The following AGAP1 variants were observed in gnomAD, a reference collection of about 807,000 sequenced individuals.
AGAP1 encodes ArfGAP with GTPase domain, ankyrin repeat and PH domain 1, also known as arf-GAP with GTPase, ANK repeat and PH domain-containing protein 1.
A neutral mutation model predicts 105.3 loss-of-function variants in AGAP1; 29 were observed. The observed-to-expected ratio is 0.28, with a 90% confidence interval of 0.21 to 0.38. AGAP1 has a LOEUF of 0.38. Among genes scored for constraint, AGAP1 ranks in the 10% least tolerant of loss-of-function variants. AGAP1 has a pLI of 1.00. For synonymous variants in AGAP1, 509 were observed against 485.9 expected (o/e 1.05, Z -0.63); for missense variants, 998 against 1,165.1 (o/e 0.86, Z 2.09).
chr2:235,617,921 T>C (rs1204299242), intron 1 of AGAP1, among the ~76,000 whole-genome samples: 2 of 152,172 alleles, frequency 1.3e-5, no homozygotes, highest in East Asian at 3.9e-4. Context: ...AAGATGGCAG[T>C]TGGGGGACCT....
intron 1 of AGAP1, among the ~76,000 whole-genome samples, chr2:235,708,776 C>T (rs78512930): frequency 0.036 from 5,430 of 152,168 alleles, 136 homozygotes; most frequent in Non-Finnish European, 0.054. Context: ...AAATGTGGAC[C>T]GACAGGCTAT....
At position 235,622,718 on chromosome 2, in the gene AGAP1, T is replaced by G. The variant is rs1206727141; in HGVS notation, c.164-86461T>G. On this transcript the variant is annotated intron_variant, in intron 1 of 17. Transcript: ENST00000304032. This position sits in a 1 kb window ranked among gnomAD's most constrained non-coding sequence, Gnocchi z 5.0. ...TGTGGATCACTTGGACCACGGTAGC[T>G]AATGTTTGTAGCGCGCTCACGTATG... Among the ~76,000 whole-genome samples, 9 of 152,076 alleles carry G rather than the reference T, an allele frequency of 5.9e-5. No individual in the cohort carries two copies. Among genetic ancestry groups the G allele is most frequent in the Admixed American group, 5.2e-4 (8 of 15,264 alleles).
chr2:235,862,806 GGTT>G (rs748564894), intron 9 of AGAP1, among the ~76,000 whole-genome samples: 2 of 152,164 alleles, frequency 1.3e-5, no homozygotes, highest in Admixed American at 6.5e-5. Flanking sequence ...GGCAGCCCTG[GGTT>G]GTTCTTTATG....
chr2:235,533,653 C>G (rs1943115327), intron 1 of AGAP1, among the ~76,000 whole-genome samples: 1 of 152,154 alleles, frequency 6.6e-6, no homozygotes, highest in African/African-American at 2.4e-5. Context: ...TTTGTTCTTT[C>G]ATGTTTTCCT....
chr2:236,080,821 C>T lies in AGAP1; in HGVS notation c.2114+31540C>T, dbSNP rs1223939905. ...TTGGTGGCCTTGCATCCCCTCTGAC[C>T]TGTTTCTGTCCTCACATCTTCTGAC... On this transcript the variant is annotated intron_variant, in intron 16 of 17. Transcript: ENST00000304032. This position sits in a 1 kb window ranked among gnomAD's most constrained non-coding sequence, Gnocchi z 4.2. 6.6e-6 allele frequency among the ~76,000 whole-genome samples: 1 copy of T among 152,154 alleles called. No individual in the cohort carries two copies. The highest frequency in any genetic ancestry group is 1.5e-5 in the Non-Finnish European group (1 of 68,034).
chr2:235,585,054 A>G (rs1275300377), intron 1 of AGAP1, among the ~76,000 whole-genome samples: 1 of 151,460 alleles, frequency 6.6e-6, no homozygotes, highest in Non-Finnish European at 1.5e-5. Context: ...ACTCTTGTGG[A>G]TATCTTGTAG....
At chr2:235,514,714 T>C (rs887620119) in intron 1 of AGAP1, among the ~76,000 whole-genome samples, 1 of 152,248 alleles carries the variant, frequency 6.6e-6, no homozygotes, top group Admixed American at 6.5e-5. Flanking sequence ...TGCTGTGACG[T>C]GGGCTGCACG....
At chr2:235,870,490 G>A (rs1490638632) in intron 9 of AGAP1, among the ~76,000 whole-genome samples, 1 of 152,102 alleles carries the variant, frequency 6.6e-6, no homozygotes, top group African/African-American at 2.4e-5. Flanking sequence ...GCCAGGCATG[G>A]TGGCACATGT....
chr2:236,074,864 G>T (rs909758420), intron 16 of AGAP1, among the ~76,000 whole-genome samples: 1 of 152,130 alleles, frequency 6.6e-6, no homozygotes, highest in Non-Finnish European at 1.5e-5. Context: ...AGACCAGCCT[G>T]GACCGCATGG....
At chr2:235,895,131 C>T (rs1575720647) in intron 10 of AGAP1, among the ~76,000 whole-genome samples, 2 of 152,214 alleles carry the variant, frequency 1.3e-5, no homozygotes, top group South Asian at 2.1e-4. Context: ...GTTCAGCTAG[C>T]GCAGTGGCCT....
In AGAP1 at chr2:235,689,666, A is replaced by T. The variant is rs1418941403; in HGVS notation, c.164-19513A>T. The stretch of plus-strand genomic sequence containing the variant: ...CCTCCCCTAACCTCAAATCTGTGTA[A>T]TGAAGTATCTGCAACATTTCCACTC... On this transcript the variant is annotated intron_variant, in intron 1 of 17. Transcript: ENST00000304032. This position sits in a 1 kb window ranked among gnomAD's most constrained non-coding sequence, Gnocchi z 4.2. Among the ~76,000 whole-genome samples the T allele has an allele frequency of 6.6e-6, 1 of 152,220 alleles. No individual in the cohort carries two copies. Among genetic ancestry groups the T allele is most frequent in the African/African-American group, 2.4e-5 (1 of 41,470 alleles).
rs189590098 is a variant in AGAP1, at chr2:235,917,032, C to A, written c.1324+8126C>A. On this transcript the variant is annotated intron_variant, in intron 11 of 17. Coordinates refer to ENST00000304032, the MANE Select transcript of AGAP1 (RefSeq NM_001037131.3). Reference sequence around the variant, plus strand: ...AACTCCTGGTTGTGACATTTTTGTTCTAGGATGACAGATACCTTCTTGTCT... The same window carrying A: ...AACTCCTGGTTGTGACATTTTTGTTATAGGATGACAGATACCTTCTTGTCT... Among the ~76,000 whole-genome samples, 4 of 152,252 alleles carry A rather than the reference C, an allele frequency of 2.6e-5. 1 individual carries two copies. In the East Asian group the frequency reaches 7.7e-4, roughly 29 times the overall value.
At chr2:235,645,843 T>C (rs1368352820) in intron 1 of AGAP1, among the ~76,000 whole-genome samples, 1 of 152,200 alleles carries the variant, frequency 6.6e-6, no homozygotes, top group East Asian at 1.9e-4. Context: ...GCTTTTCTAA[T>C]TTTTGAGCGA....
chr2:235,672,414 C>T (rs1306206520), intron 1 of AGAP1, among the ~76,000 whole-genome samples: 1 of 152,270 alleles, frequency 6.6e-6, no homozygotes, highest in Non-Finnish European at 1.5e-5. Context: ...TGAGGCTACA[C>T]TGTTGCCACA....
rs376185159 is a variant in AGAP1 at position 236,020,776 on chromosome 2, T to G, written c.1646-15785T>G. Among the ~76,000 whole-genome samples, 33 of 152,272 alleles carry G rather than the reference T, an allele frequency of 2.2e-4. No individual in the cohort carries two copies. The East Asian group carries it at 4.8e-3, about 22-fold the overall frequency. On this transcript the variant is annotated intron_variant, in intron 13 of 17. Transcript: ENST00000304032. The surrounding 1 kb of genome is among the most constrained non-coding windows in gnomAD (Gnocchi z 5.0). ...TGACCCAAAGACTCCATGGAGAATA[T>G]CTGTGGACTATTCAGTAGGCCTTTT... is the stretch of plus-strand genomic sequence containing the variant.
At chr2:235,583,874 A>T (rs1274913275) in intron 1 of AGAP1, among the ~76,000 whole-genome samples, 3 of 42,862 alleles carry the variant, frequency 7.0e-5, no homozygotes, top group African/African-American at 3.7e-4. Context: ...ATCATGTCTT[A>T]AAAAAAAAAA....
At chr2:235,846,381 T>TG (rs1961494270) in intron 9 of AGAP1, among the ~76,000 whole-genome samples, 1 of 152,108 alleles carries the variant, frequency 6.6e-6, no homozygotes, top group Non-Finnish European at 1.5e-5. Context: ...TGGAGTGCAG[T>TG]GGTGCGATGA....
chr2:235,778,726 A>G (rs1182441610), intron 6 of AGAP1, among the ~76,000 whole-genome samples: 1 of 152,224 alleles, frequency 6.6e-6, no homozygotes, highest in Non-Finnish European at 1.5e-5. Context: ...CACACAAGGT[A>G]GGACTCAGCA....
intron 1 of AGAP1, among the ~76,000 whole-genome samples, chr2:235,597,818 G>T (rs1421879698): frequency 1.6e-3 from 89 of 54,648 alleles, no homozygotes; most frequent in East Asian, 2.2e-3. Flanking sequence ...ACGCGCTCCC[G>T]TGTTTCCTTT....
Sources: allele counts gnomAD v4.1 joint callset (sites outside exome capture counted in the v4.1 genomes callset), GRCh38; gene constraint gnomAD v4.1.1; non-coding constraint Gnocchi (gnomAD v3.1); transcripts MANE v1.5; gene names NCBI Gene and HGNC (gene_info 2026-07-23, HGNC 2026-07-21).